Variants in SEMA5B observed in about 807,000 individuals in gnomAD.
The protein encoded by SEMA5B is semaphorin-5B.
SEMA5B carries 66 observed loss-of-function variants against 135.0 expected under a neutral mutation model. The ratio of observed to expected loss-of-function variants is 0.49; its 90% CI spans 0.40 to 0.60. The LOEUF (loss-of-function observed/expected upper bound fraction) is 0.60. Ranked by LOEUF, SEMA5B falls within the 20% of genes least tolerant of loss-of-function variation. SEMA5B has a pLI of 0.00. For missense variants in SEMA5B, 1,501 were observed against 1,566.3 expected, an observed-to-expected ratio of 0.96 and a Z score of 0.70; for synonymous variants, 690 against 639.5, an observed-to-expected ratio of 1.08 and a Z score of -1.19.
intron 1 of SEMA5B, among the ~76,000 whole-genome samples, chr3:122,971,158 C>A (rs1337473446): frequency 2.0e-5 from 3 of 152,226 alleles, no homozygotes; most frequent in Admixed American, 2.0e-4. Flanking sequence ...CCTGAACAAA[C>A]CACCTTAGTC....
At chr3:122,919,497 G>A (rs1373008176) in intron 12 of SEMA5B, among the ~76,000 whole-genome samples, 1 of 152,204 alleles carries the variant, frequency 6.6e-6, no homozygotes, top group Non-Finnish European at 1.5e-5. Flanking sequence ...CCTGGGCAGA[G>A]GAGGGAGCCT....
intron 1 of SEMA5B, among the ~76,000 whole-genome samples, chr3:122,980,534 G>A (rs1235675301): frequency 6.6e-6 from 1 of 151,798 alleles, no homozygotes; most frequent in Non-Finnish European, 1.5e-5. Flanking sequence ...GGTGACTGAT[G>A]GTCAGCTTCC....
chr3:123,025,921 T>A (rs899289178), intron 1 of SEMA5B, among the ~76,000 whole-genome samples: 5 of 152,182 alleles, frequency 3.3e-5, no homozygotes, highest in Non-Finnish European at 7.3e-5. Flanking sequence ...AATCTTGAGG[T>A]CCAGTTACAA....
At position 122,909,937 on chromosome 3, in the gene SEMA5B, C is replaced by A. The variant is rs764391362; in HGVS notation, c.*206G>T. On this transcript the variant is annotated 3_prime_UTR_variant, in exon 23 of 23. Transcript: ENST00000357599. ...AGAGACCTGGGCTGAACTGGACCTGCGGCCATATGTCAGCCTGAAACCAGC... is the reference window on the plus strand; with the variant it reads ...AGAGACCTGGGCTGAACTGGACCTGAGGCCATATGTCAGCCTGAAACCAGC... 1.0e-5 allele frequency: 6 copies of A among 577,738 alleles called. No individual in the cohort carries two copies. Among genetic ancestry groups the A allele is most frequent in the Non-Finnish European group, 1.8e-5 (6 of 325,330 alleles). The allele number at this position is 577,738 out of a possible 1,614,324, so 35.8% of individuals were successfully genotyped here. A position where few individuals can be genotyped will look rare whatever the true frequency, so the allele number is the denominator to read the frequency against.
intron 3 of SEMA5B, among the ~76,000 whole-genome samples, chr3:122,947,666 C>T (rs1939849085): frequency 6.6e-6 from 1 of 152,194 alleles, no homozygotes; most frequent in South Asian, 2.1e-4. Context: ...CTGTAAAAGG[C>T]AGTGACGATC....
chr3:122,913,840 A>C lies in SEMA5B; in HGVS notation c.2132+18T>G. ...CCCGGTTAGTCTGGGACCTCAGAGC[A>C]AGCCTGTTCTCCCTCACCGTTCCTC... On this transcript the variant is annotated intron_variant, in intron 15 of 22. Coordinates refer to ENST00000357599, the MANE Select transcript of SEMA5B (RefSeq NM_001031702.4). The C allele has an allele frequency of 6.3e-7, 1 of 1,588,896 alleles. No individual in the cohort carries two copies. The highest frequency in any genetic ancestry group is 8.6e-7 in the Non-Finnish European group (1 of 1,166,056).
intron 1 of SEMA5B, among the ~76,000 whole-genome samples, chr3:122,998,671 T>C (rs962423648): frequency 6.6e-6 from 1 of 152,174 alleles, no homozygotes; most frequent in Non-Finnish European, 1.5e-5. Context: ...TCATGAGGTG[T>C]GACTTCATCC....
rs1939294112 is a variant in SEMA5B, at chr3:122,936,524, T to A, written c.474+2901A>T. 2.0e-5 allele frequency among the ~76,000 whole-genome samples: 3 copies of A among 152,204 alleles called. No individual in the cohort carries two copies. The South Asian group carries it at 6.2e-4, about 32-fold the overall frequency. On this transcript the variant is annotated intron_variant, in intron 5 of 22. Transcript: ENST00000357599. ...GCATATGTGCAGAACAGTCCTCGTT[T>A]CTGCCTCGCAGGATATCTGGCAAAC...
At chr3:122,926,714 C>T in intron 8 of SEMA5B, 37 bp from the exon 9 acceptor site, 2 of 1,595,854 alleles carry the variant, frequency 1.3e-6, no homozygotes, top group South Asian at 1.1e-5. Flanking sequence ...GCAGGGCAGG[C>T]CAGCGGGGAA....
At position 122,920,916 on chromosome 3, in the gene SEMA5B, T is replaced by C. The variant is rs1002945146; in HGVS notation, c.1688+999A>G. Among the ~76,000 whole-genome samples, 4 of 152,218 alleles carry C rather than the reference T, an allele frequency of 2.6e-5. No homozygotes were observed. The East Asian group carries it at 7.7e-4, about 29-fold the overall frequency. The stretch of plus-strand genomic sequence containing the variant: ...TACAAAGTGTCCTGAACATGGTATG[T>C]CTTAGTAAGTGTGTGGTGTCTCGCT... On this transcript the variant is annotated intron_variant, in intron 12 of 22. Coordinates refer to ENST00000357599, the MANE Select transcript of SEMA5B (RefSeq NM_001031702.4).
intron 8 of SEMA5B, 28 bp from the exon 9 acceptor site, chr3:122,926,705 C>G (rs755624365): frequency 6.2e-7 from 1 of 1,600,960 alleles, no homozygotes; most frequent in African/African-American, 1.3e-5. Context: ...GAACAAGGGG[C>G]AGGGCAGGCC....
chr3:122,996,236 T>C (rs1446673659), intron 1 of SEMA5B, among the ~76,000 whole-genome samples: 1 of 152,126 alleles, frequency 6.6e-6, no homozygotes, highest in Non-Finnish European at 1.5e-5. Flanking sequence ...CTGCCGAAGG[T>C]GGGAACTGGC....
chr3:123,002,676 A>G (rs1312855891), intron 1 of SEMA5B, among the ~76,000 whole-genome samples: 1 of 152,234 alleles, frequency 6.6e-6, no homozygotes, highest in East Asian at 1.9e-4. Context: ...GCAGACATTG[A>G]TCATTATAAG....
chr3:122,965,484 G>T (rs1040483311), intron 1 of SEMA5B, among the ~76,000 whole-genome samples: 22 of 152,300 alleles, frequency 1.4e-4, no homozygotes, highest in South Asian at 8.3e-4. Flanking sequence ...TTCCTCCCTT[G>T]CATTTGAATG....
intron 1 of SEMA5B, among the ~76,000 whole-genome samples, chr3:123,000,521 C>T (rs1216276260): frequency 6.6e-6 from 1 of 152,128 alleles, no homozygotes; most frequent in Non-Finnish European, 1.5e-5. Flanking sequence ...TGGCACTGTC[C>T]AGAGTGCCTT....
At chr3:122,952,273 T>A (rs1248876497) in intron 2 of SEMA5B, among the ~76,000 whole-genome samples, 1 of 152,084 alleles carries the variant, frequency 6.6e-6, no homozygotes, top group East Asian at 1.9e-4. Context: ...TGGCATGGGG[T>A]TTCGCCGTGC....
intron 1 of SEMA5B, among the ~76,000 whole-genome samples, chr3:122,988,524 G>A (rs969673288): frequency 1.3e-5 from 2 of 152,244 alleles, no homozygotes; most frequent in African/African-American, 4.8e-5. Flanking sequence ...GAGGAAGAGA[G>A]GGAGCACACA....
At chr3:122,966,286 A>G (rs927101259) in intron 1 of SEMA5B, among the ~76,000 whole-genome samples, 8 of 152,174 alleles carry the variant, frequency 5.3e-5, no homozygotes, top group Admixed American at 2.6e-4. Context: ...CACTGAAGAC[A>G]GTTGATAAAT....
intron 1 of SEMA5B, among the ~76,000 whole-genome samples, chr3:122,966,901 A>ATTATTG (rs1420233363): frequency 7.1e-6 from 1 of 141,836 alleles, no homozygotes. Flanking sequence ...TATTATTATT[A>ATTATTG]GAGATGGAGT....
Sources: allele counts gnomAD v4.1 joint callset (sites outside exome capture counted in the v4.1 genomes callset), GRCh38; gene constraint gnomAD v4.1.1; transcripts MANE v1.5; gene names NCBI Gene and HGNC (gene_info 2026-07-23, HGNC 2026-07-21).